The following GPC6 variants were observed in gnomAD, a reference collection of about 807,000 sequenced individuals.
GPC6 encodes glypican 6.
GPC6 carries 14 observed loss-of-function variants against 55.2 expected under a neutral mutation model. The observed-to-expected ratio is 0.25, with a 90% CI of 0.17 to 0.40. GPC6 has a LOEUF of 0.40. Ranked by LOEUF, GPC6 falls within the 10% of genes least tolerant of loss-of-function variation. The probability of loss-of-function intolerance (pLI) is 1.00; values close to 1 mark genes in which losing one functional copy is unlikely to be tolerated. For synonymous variants in GPC6, 278 were observed against 259.6 expected, an observed-to-expected ratio of 1.07 and a Z score of -0.68; for missense variants, 641 against 708.5, an observed-to-expected ratio of 0.90 and a Z score of 1.08.
rs1217511067 is a variant in GPC6, at chr13:93,461,437, T to G, written c.161-83826T>G. 2.0e-5 allele frequency among the ~76,000 whole-genome samples: 3 copies of G among 152,200 alleles called. No individual in the cohort carries two copies. The East Asian group carries it at 5.8e-4, about 29-fold the overall frequency. ...TGCACTTACAAGTAAAGTATTATTC[T>G]TTTAAAAGCTTAAATAATTTAGTTA... On this transcript the variant is annotated intron_variant, in intron 1 of 8. Coordinates refer to ENST00000377047, the MANE Select transcript of GPC6 (RefSeq NM_005708.5).
intron 4 of GPC6, among the ~76,000 whole-genome samples, chr13:94,249,475 ATATCTTT>A (rs1891288320): frequency 6.6e-6 from 1 of 151,974 alleles, no homozygotes; most frequent in Non-Finnish European, 1.5e-5. Flanking sequence ...ACCCCCTAAG[ATATCTTT>A]TATATTAACA....
intron 3 of GPC6, among the ~76,000 whole-genome samples, chr13:93,877,796 C>T (rs1874685488): frequency 6.6e-6 from 1 of 151,912 alleles, no homozygotes; most frequent in African/African-American, 2.4e-5. Context: ...TAATAAACGC[C>T]CTTTCTTTTA....
At chr13:94,167,970 C>G (rs1013284954) in intron 4 of GPC6, among the ~76,000 whole-genome samples, 3 of 152,098 alleles carry the variant, frequency 2.0e-5, no homozygotes, top group Admixed American at 2.0e-4. Flanking sequence ...TTTATTTATT[C>G]TCACTATATC....
chr13:93,570,593 A>G (rs887038142), intron 2 of GPC6, among the ~76,000 whole-genome samples: 2 of 152,188 alleles, frequency 1.3e-5, no homozygotes, highest in Non-Finnish European at 2.9e-5. Context: ...AGAAAAGTGA[A>G]TGTTTTCTGT....
At chr13:93,765,271 A>AGACAACTTTCCAGATAAGCTGTCTGGAAC in intron 2 of GPC6, among the ~76,000 whole-genome samples, 4 of 152,126 alleles carry the variant, frequency 2.6e-5, no homozygotes, top group Non-Finnish European at 4.4e-5. Flanking sequence ...CTGTCTGGAA[A>AGACAACTTTCCAGATAAGCTGTCTGGAAC]GACAACTTTC....
At chr13:93,904,316 A>G (rs1410980537) in intron 3 of GPC6, among the ~76,000 whole-genome samples, 1 of 152,160 alleles carries the variant, frequency 6.6e-6, no homozygotes, top group African/African-American at 2.4e-5. Context: ...GCTGCAAAGG[A>G]AAAGATGCAT....
At chr13:93,775,564 A>T (rs1885440393) in intron 2 of GPC6, among the ~76,000 whole-genome samples, 1 of 152,222 alleles carries the variant, frequency 6.6e-6, no homozygotes, top group Non-Finnish European at 1.5e-5. Flanking sequence ...GCTGAGAGTG[A>T]TCGTGGAGAA....
chr13:94,238,782 T>C (rs374251423), intron 4 of GPC6, among the ~76,000 whole-genome samples: 34 of 151,726 alleles, frequency 2.2e-4, no homozygotes, highest in African/African-American at 8.2e-4. Context: ...GAGAGATGGG[T>C]TGAGAAAGGA....
chr13:93,314,196 T>C (rs1340182958), intron 1 of GPC6, among the ~76,000 whole-genome samples: 1 of 152,140 alleles, frequency 6.6e-6, no homozygotes, highest in East Asian at 1.9e-4. Flanking sequence ...TCTTGGCTTA[T>C]TTTTTTCTCA....
At chr13:93,551,368 A>G (rs146127591) in intron 2 of GPC6, among the ~76,000 whole-genome samples, 1 of 151,436 alleles carries the variant, frequency 6.6e-6, no homozygotes, top group Admixed American at 6.6e-5. Context: ...TCCGTAGTAC[A>G]TCTTTGGGTT....
At chr13:93,758,027 A>AT (rs1171040649) in intron 2 of GPC6, among the ~76,000 whole-genome samples, 4 of 149,448 alleles carry the variant, frequency 2.7e-5, no homozygotes, top group Non-Finnish European at 5.9e-5. Flanking sequence ...ATATTTTCCC[A>AT]TTTTTTCCTC....
At chr13:94,283,943 A>AACTT (rs1387063613) in intron 4 of GPC6, among the ~76,000 whole-genome samples, 1 of 152,182 alleles carries the variant, frequency 6.6e-6, no homozygotes, top group Non-Finnish European at 1.5e-5. Flanking sequence ...GTTTCAGAGA[A>AACTT]ACTTACCAAC....
At chr13:93,467,962 T>C (rs1454473536) in intron 1 of GPC6, among the ~76,000 whole-genome samples, 1 of 152,072 alleles carries the variant, frequency 6.6e-6, no homozygotes, top group Non-Finnish European at 1.5e-5. Flanking sequence ...TCTTGTGAGC[T>C]TGAATGTTTA....
At chr13:93,411,337 G>A (rs1876486207) in intron 1 of GPC6, among the ~76,000 whole-genome samples, 1 of 152,172 alleles carries the variant, frequency 6.6e-6, no homozygotes, top group South Asian at 2.1e-4. Flanking sequence ...CTGTGACAGT[G>A]TCTGTTCACC....
chr13:94,280,807 C>G (rs1346496158), intron 4 of GPC6, among the ~76,000 whole-genome samples: 1 of 151,794 alleles, frequency 6.6e-6, no homozygotes, highest in Non-Finnish European at 1.5e-5. Context: ...AAATTGGGTG[C>G]CATGGAATTC....
At chr13:93,676,429 A>G (rs1258736177) in intron 2 of GPC6, among the ~76,000 whole-genome samples, 1 of 151,662 alleles carries the variant, frequency 6.6e-6, no homozygotes, top group Non-Finnish European at 1.5e-5. Flanking sequence ...AAAAATAAAT[A>G]AGTAAAAATA....
intron 3 of GPC6, among the ~76,000 whole-genome samples, chr13:93,849,739 G>A (rs1304332894): frequency 2.0e-5 from 3 of 152,130 alleles, no homozygotes; most frequent in South Asian, 4.1e-4. Context: ...ATTGAGTTTG[G>A]TAAATGATTA....
At chr13:93,362,840 T>C (rs1207368198) in intron 1 of GPC6, among the ~76,000 whole-genome samples, 2 of 152,150 alleles carry the variant, frequency 1.3e-5, no homozygotes, top group Non-Finnish European at 2.9e-5. Context: ...GTTGTTAAAG[T>C]TTTAAGCACT....
chr13:94,352,688 T>C (rs550110252), intron 6 of GPC6, among the ~76,000 whole-genome samples: 2 of 152,196 alleles, frequency 1.3e-5, no homozygotes, highest in Non-Finnish European at 2.9e-5. Flanking sequence ...CTTATGGCTT[T>C]TCTACACTCT....
Sources: allele counts gnomAD v4.1 joint callset (sites outside exome capture counted in the v4.1 genomes callset), GRCh38; gene constraint gnomAD v4.1.1; transcripts MANE v1.5; gene names NCBI Gene and HGNC (gene_info 2026-07-23, HGNC 2026-07-21).